ANO1: variants seen among roughly 807,000 people sequenced by gnomAD.
ANO1 encodes anoctamin 1.
In ANO1, 59 loss-of-function variants were observed where a neutral mutation model predicts 124.0. The observed-to-expected ratio is 0.48, with a 90% CI of 0.39 to 0.59. ANO1 has a LOEUF of 0.59. Among genes scored for constraint, ANO1 ranks in the 20% least tolerant of loss-of-function variants. ANO1 has a pLI of 0.00. For synonymous variants in ANO1, 529 were observed against 532.0 expected, an observed-to-expected ratio of 0.99 and a Z score of 0.08; for missense variants, 1,059 against 1,328.0, an observed-to-expected ratio of 0.80 and a Z score of 3.15.
chr11:70,185,431 G>A (rs573781113), intron 24 of ANO1, among the ~76,000 whole-genome samples, 159 bp from the exon 25 acceptor site: 1 of 152,290 alleles, frequency 6.6e-6, no homozygotes, highest in South Asian at 2.1e-4. Flanking sequence ...CTCCGTGGGT[G>A]CGGGGCCATG....
chr11:70,019,933 G>A (rs1856770202), intron 1 of ANO1, among the ~76,000 whole-genome samples: 2 of 152,226 alleles, frequency 1.3e-5, no homozygotes, highest in South Asian at 4.1e-4. Flanking sequence ...CTCGGAGTGG[G>A]AAGGGGGCCG....
intron 1 of ANO1, among the ~76,000 whole-genome samples, chr11:70,079,090 C>T (rs2044124903): frequency 6.6e-6 from 1 of 152,082 alleles, no homozygotes; most frequent in African/African-American, 2.4e-5. Context: ...TCCTGGCTCG[C>T]GGCCAGGGGT....
At chr11:70,117,422 G>A (rs982007334) in intron 8 of ANO1, among the ~76,000 whole-genome samples, 5 of 151,858 alleles carry the variant, frequency 3.3e-5, no homozygotes, top group African/African-American at 1.2e-4. Context: ...TCCCCAAAGC[G>A]TTGGTCCCCA....
At chr11:70,173,236 G>T (rs1429722746) in intron 22 of ANO1, among the ~76,000 whole-genome samples, 1 of 152,190 alleles carries the variant, frequency 6.6e-6, no homozygotes, top group African/African-American at 2.4e-5. Context: ...ACTGCGTAAG[G>T]CCCTGGCTTT....
rs371758542 is a variant in ANO1 at position 70,166,954 on chromosome 11, T to G, written c.2052-288T>G. Among the ~76,000 whole-genome samples the G allele has an allele frequency of 2.6e-5, 4 of 152,268 alleles. No individual in the cohort carries two copies. In the East Asian group the frequency reaches 7.7e-4, roughly 29 times the overall value. On this transcript the variant is annotated intron_variant, in intron 20 of 25. Coordinates refer to ENST00000355303, the MANE Select transcript of ANO1 (RefSeq NM_018043.7). ...TGAGCTCAGGAGTTCAAGACCGGCCTGGGCAACACTGTGAAACCCCATCTC... is the reference window on the plus strand; with the variant it reads ...TGAGCTCAGGAGTTCAAGACCGGCCGGGGCAACACTGTGAAACCCCATCTC...
chr11:70,029,138 G>A (rs1555003521), intron 1 of ANO1, among the ~76,000 whole-genome samples: 3 of 152,218 alleles, frequency 2.0e-5, no homozygotes, highest in Admixed American at 6.5e-5. Context: ...GCCCCTGTGG[G>A]TGCTCGATGC....
At chr11:70,005,516 G>A (rs1856468850) in intron 1 of ANO1, among the ~76,000 whole-genome samples, 1 of 152,224 alleles carries the variant, frequency 6.6e-6, no homozygotes, top group African/African-American at 2.4e-5. Context: ...CTCCTCTGTG[G>A]AGTCAGCCAA....
At chr11:69,985,063 A>G (rs573260311), upstream of ANO1, among the ~76,000 whole-genome samples, 1 of 152,242 alleles carries the variant, frequency 6.6e-6, no homozygotes, top group East Asian at 1.9e-4. Context: ...AGGATGCTGA[A>G]TTGTCCAGAC....
chr11:70,104,652 GGGCAGT>G (rs1475584189), intron 4 of ANO1, among the ~76,000 whole-genome samples: 2 of 152,220 alleles, frequency 1.3e-5, no homozygotes, highest in Non-Finnish European at 2.9e-5. Flanking sequence ...TCCTCCCGAG[GGGCAGT>G]GGGGCGTAGC....
intron 1 of ANO1, among the ~76,000 whole-genome samples, chr11:69,997,571 C>T (rs184698561): frequency 2.0e-4 from 30 of 152,284 alleles, no homozygotes; most frequent in African/African-American, 7.2e-4. Flanking sequence ...GGCCTTTGCA[C>T]AAGCATTCTC....
At chr11:70,186,352 G>GAGGGAGGGAGGA (rs1482653844) in intron 25 of ANO1, among the ~76,000 whole-genome samples, 2 of 126,822 alleles carry the variant, frequency 1.6e-5, no homozygotes, top group African/African-American at 3.3e-5. Context: ...GAGGGGGAGG[G>GAGGGAGGGAGGA]AGGAAGGAAG....
intron 1 of ANO1, among the ~76,000 whole-genome samples, chr11:70,052,338 T>G (rs1393842191): frequency 6.6e-6 from 1 of 152,176 alleles, no homozygotes; most frequent in Non-Finnish European, 1.5e-5. Flanking sequence ...AGATAATATA[T>G]GTCCTCTGAC....
At chr11:70,128,384 G>C (rs1044264088) in intron 10 of ANO1, among the ~76,000 whole-genome samples, 1 of 152,262 alleles carries the variant, frequency 6.6e-6, no homozygotes, top group Non-Finnish European at 1.5e-5. Context: ...AAAATGGTGA[G>C]TGTAAGGTGA....
intron 1 of ANO1, among the ~76,000 whole-genome samples, chr11:70,079,467 C>A (rs1434365094): frequency 6.6e-6 from 1 of 151,982 alleles, no homozygotes; most frequent in Non-Finnish European, 1.5e-5. Context: ...TCCCCAGGGC[C>A]AGACCCAGAG....
upstream of ANO1, among the ~76,000 whole-genome samples, chr11:69,983,990 A>T (rs1325637351): frequency 1.3e-5 from 2 of 152,250 alleles, no homozygotes; most frequent in African/African-American, 4.8e-5. Flanking sequence ...AAATAATGAC[A>T]GTTAAAAATA....
chr11:70,101,784 C>T (rs1331334362), intron 2 of ANO1, among the ~76,000 whole-genome samples: 3 of 152,206 alleles, frequency 2.0e-5, no homozygotes, highest in Middle Eastern at 3.4e-3. Context: ...CTCTTCCTCC[C>T]GTCTGCCTTT....
chr11:69,978,330 T>C, the ANO1 span, among the ~76,000 whole-genome samples: 6 of 151,928 alleles, frequency 3.9e-5, no homozygotes, highest in Admixed American at 3.9e-4. Flanking sequence ...CAGGCTACCT[T>C]CTGTGTTTTT....
At chr11:69,973,943 C>T in the ANO1 span, among the ~76,000 whole-genome samples, 1 of 151,826 alleles carries the variant, frequency 6.6e-6, no homozygotes, top group East Asian at 1.9e-4. Context: ...ATTTTTAATT[C>T]CTCAAAAAAT....
At chr11:70,056,356 A>G (rs781726761) in intron 1 of ANO1, 2 of 152,032 alleles carry the variant, frequency 1.3e-5, no homozygotes, top group Non-Finnish European at 1.5e-5. Context: ...TTTGGTTTCT[A>G]TTGCTTCTGT....
Sources: gnomAD v4.1 joint callset for allele counts (sites outside exome capture counted in the v4.1 genomes callset) on GRCh38, gnomAD v4.1.1 for gene constraint, MANE v1.5 for transcripts, NCBI Gene and HGNC (gene_info 2026-07-23, HGNC 2026-07-21) for gene names.